The following GPHN variants were observed in gnomAD, a reference collection of about 807,000 sequenced individuals.
GPHN encodes gephyrin.
A neutral mutation model predicts 95.5 loss-of-function variants in GPHN; 17 were observed. The observed-to-expected ratio is 0.18, with a 90% CI of 0.12 to 0.27. The LOEUF is 0.27. Ranked by LOEUF, GPHN falls within the 10% of genes least tolerant of loss-of-function variation. The pLI is 1.00. For synonymous variants in GPHN, 320 were observed against 322.5 expected (o/e 0.99, Z 0.08); for missense variants, 660 against 978.1 (o/e 0.67, Z 4.34).
intron 1 of GPHN, among the ~76,000 whole-genome samples, chr14:66,623,077 T>C (rs755588043): frequency 1.3e-5 from 2 of 152,140 alleles, no homozygotes; most frequent in Non-Finnish European, 2.9e-5. Flanking sequence ...TTTAATGGAC[T>C]TACAGTTCTT....
intron 10 of GPHN, among the ~76,000 whole-genome samples, chr14:67,040,642 CAA>C (rs1232273355): frequency 6.6e-6 from 1 of 152,142 alleles, no homozygotes; most frequent in Admixed American, 6.6e-5. Context: ...AACAAGTCTT[CAA>C]GTTTGTCTTT....
intron 1 of GPHN, among the ~76,000 whole-genome samples, chr14:66,664,095 T>A (rs1349157713): frequency 6.6e-6 from 1 of 152,086 alleles, no homozygotes; most frequent in Non-Finnish European, 1.5e-5. Flanking sequence ...ACAAAGATAT[T>A]CAGGATCTGA....
the GPHN span, among the ~76,000 whole-genome samples, chr14:67,339,881 T>C: frequency 2.0e-5 from 3 of 151,962 alleles, no homozygotes; most frequent in African/African-American, 4.8e-5. Flanking sequence ...GGTGGATTGC[T>C]TGAGGTCAGG....
chr14:67,110,316 A>C, intron 14 of GPHN, 57 bp downstream of exon 14: 1 of 1,593,194 alleles, frequency 6.3e-7, no homozygotes, highest in Non-Finnish European at 8.6e-7. Flanking sequence ...TTATGTCACA[A>C]CCATTTTCTG....
the GPHN span, among the ~76,000 whole-genome samples, chr14:67,544,150 G>A: frequency 3.3e-5 from 5 of 152,264 alleles, no homozygotes; most frequent in South Asian, 1.0e-3. Flanking sequence ...ATATTAAAGG[G>A]CTTACCCTAA....
intron 21 of GPHN, among the ~76,000 whole-genome samples, chr14:67,174,190 T>C (rs1442775432): frequency 1.3e-5 from 2 of 152,134 alleles, no homozygotes; most frequent in Non-Finnish European, 2.9e-5. Context: ...GTCATTTACA[T>C]TGGGTATTTT....
the GPHN span, among the ~76,000 whole-genome samples, chr14:67,218,021 G>C: frequency 6.6e-6 from 1 of 152,124 alleles, no homozygotes; most frequent in Admixed American, 6.5e-5. Context: ...CAACAGTGTA[G>C]TCTCCATGTA....
intron 1 of GPHN, among the ~76,000 whole-genome samples, chr14:66,632,133 A>G (rs1009352868): frequency 5.3e-5 from 8 of 152,212 alleles, no homozygotes; most frequent in Non-Finnish European, 8.8e-5. Flanking sequence ...TATCTTGTCT[A>G]TAAAGAGGGG....
chr14:66,560,507 G>A (rs1234352962), intron 1 of GPHN, among the ~76,000 whole-genome samples: 1 of 152,174 alleles, frequency 6.6e-6, no homozygotes, highest in Non-Finnish European at 1.5e-5. Flanking sequence ...AAGCCATTGT[G>A]ATTGGGAGTT....
At chr14:67,516,892 G>A in the GPHN span, among the ~76,000 whole-genome samples, 7 of 152,198 alleles carry the variant, frequency 4.6e-5, no homozygotes, top group Admixed American at 1.3e-4. Flanking sequence ...GCTACCAGTG[G>A]CAGGAACTCT....
At chr14:67,685,210 TG>T in the GPHN span, 4 of 1,608,478 alleles carry the variant, frequency 2.5e-6, no homozygotes, top group Non-Finnish European at 3.4e-6. Flanking sequence ...AGAGCCTGGT[TG>T]GGGGTGGCAT....
chr14:67,311,292 C>T, the GPHN span, among the ~76,000 whole-genome samples: 2 of 126,966 alleles, frequency 1.6e-5, no homozygotes, highest in Non-Finnish European at 3.1e-5. Flanking sequence ...GCCTGGGCAA[C>T]AGAGCGAGAC....
chr14:67,004,034 G>A (rs918970629), intron 9 of GPHN, among the ~76,000 whole-genome samples: 2 of 151,630 alleles, frequency 1.3e-5, no homozygotes, highest in Admixed American at 6.6e-5. Context: ...AGACCTTTAT[G>A]TTCCTCAGAA....
intron 3 of GPHN, among the ~76,000 whole-genome samples, chr14:66,785,713 A>G (rs2059749402): frequency 6.6e-6 from 1 of 151,450 alleles, no homozygotes; most frequent in Non-Finnish European, 1.5e-5. Context: ...AACCAAACCA[A>G]AAAAAAACCA....
At chr14:66,574,275 A>C (rs1171550772) in intron 1 of GPHN, among the ~76,000 whole-genome samples, 1 of 152,168 alleles carries the variant, frequency 6.6e-6, no homozygotes, top group Non-Finnish European at 1.5e-5. Flanking sequence ...CCATTTACTA[A>C]AACTATATGC....
the GPHN span, among the ~76,000 whole-genome samples, chr14:67,542,230 C>T: frequency 5.9e-5 from 9 of 152,350 alleles, no homozygotes; most frequent in African/African-American, 2.2e-4. Context: ...CCAATCTTCT[C>T]GGTCCCCCAT....
At chr14:66,672,464 A>T (rs750969513) in intron 1 of GPHN, among the ~76,000 whole-genome samples, 17 of 151,940 alleles carry the variant, frequency 1.1e-4, no homozygotes, top group Non-Finnish European at 2.2e-4. Flanking sequence ...ATCCTTATTG[A>T]TTTTTTTCTT....
the GPHN span, chr14:67,660,072 C>A: frequency 1.3e-6 from 1 of 778,814 alleles, no homozygotes; most frequent in Non-Finnish European, 2.0e-6. Context: ...CCATGTCTGG[C>A]ATGTTCCCCT....
chr14:67,102,699 A>G (rs2077782242), intron 13 of GPHN, among the ~76,000 whole-genome samples: 1 of 152,158 alleles, frequency 6.6e-6, no homozygotes, highest in Non-Finnish European at 1.5e-5. Context: ...GTGGCAAGAA[A>G]TAAATAAATA....
Sources: gnomAD v4.1 joint callset for allele counts (sites outside exome capture counted in the v4.1 genomes callset) on GRCh38, gnomAD v4.1.1 for gene constraint, MANE v1.5 for transcripts, NCBI Gene and HGNC (gene_info 2026-07-23, HGNC 2026-07-21) for gene names.